The following KLHDC10 variants were observed in gnomAD, a reference collection of about 807,000 sequenced individuals.
KLHDC10 encodes kelch domain-containing protein 10.
A neutral mutation model predicts 56.1 loss-of-function variants in KLHDC10; 24 were observed. The observed-to-expected ratio is 0.43, with a 90% CI of 0.31 to 0.60. KLHDC10 has a LOEUF of 0.60. Ranked by LOEUF, KLHDC10 falls within the 20% of genes least tolerant of loss-of-function variation. The pLI is 0.11. For synonymous variants in KLHDC10, 188 were observed against 207.1 expected, an observed-to-expected ratio of 0.91 and a Z score of 0.79; for missense variants, 349 against 567.0, an observed-to-expected ratio of 0.62 and a Z score of 3.91.
chr7:130,083,195 C>T (rs1427589028), intron 1 of KLHDC10, among the ~76,000 whole-genome samples: 1 of 152,140 alleles, frequency 6.6e-6, no homozygotes, highest in Non-Finnish European at 1.5e-5. Context: ...TCCTGTGCTC[C>T]TTATCCTGAC....
At chr7:130,115,714 C>CAAAAAAA (rs11451164) in intron 2 of KLHDC10, among the ~76,000 whole-genome samples, 1 of 100,274 alleles carries the variant, frequency 1.0e-5, no homozygotes. Flanking sequence ...GACTTGGTCT[C>CAAAAAAA]AAAAAAAAAA....
chr7:130,124,679 T>G, intron 6 of KLHDC10, 144 bp downstream of exon 6: 1 of 554,588 alleles, frequency 1.8e-6, no homozygotes, highest in Non-Finnish European at 3.3e-6. Flanking sequence ...TTGGATGCAC[T>G]TTATAAGGTC....
At chr7:130,083,706 CGT>C (rs1795640878) in intron 1 of KLHDC10, among the ~76,000 whole-genome samples, 1 of 152,060 alleles carries the variant, frequency 6.6e-6, no homozygotes, top group South Asian at 2.1e-4. Context: ...GCTGAGATTG[CGT>C]CACTGCACTC....
At chr7:130,089,591 T>C (rs535902829) in intron 1 of KLHDC10, among the ~76,000 whole-genome samples, 2 of 152,362 alleles carry the variant, frequency 1.3e-5, no homozygotes, top group South Asian at 2.1e-4. Context: ...GTTAGCTCAA[T>C]GTATGCCATT....
intron 2 of KLHDC10, 99 bp downstream of exon 2, chr7:130,097,106 A>G: frequency 2.7e-6 from 2 of 754,182 alleles, no homozygotes; most frequent in Admixed American, 5.2e-5. Context: ...AAAATCATCT[A>G]AACAGCTAAT....
rs1796240672 is a variant in KLHDC10 at position 130,120,987 on chromosome 7, A to G, written c.630+84A>G. ...TGTTAGAATATTTGTAATTGTTACC[A>G]TTTTATTTTAATGGAGAAGAGTTCT... On this transcript the variant is annotated intron_variant, in intron 4 of 9. Transcript: ENST00000335420. This position sits in a 1 kb window ranked among gnomAD's most constrained non-coding sequence, Gnocchi z 5.1. The G allele has an allele frequency of 2.3e-6, 3 of 1,316,358 alleles. No homozygotes were observed. Among genetic ancestry groups the G allele is most frequent in the Non-Finnish European group, 3.1e-6 (3 of 960,332 alleles). The allele number at this position is 1,316,358 out of a possible 1,614,324, so 81.5% of individuals were successfully genotyped here.
At chr7:130,077,360 A>AAAAAC (rs1795521437) in intron 1 of KLHDC10, among the ~76,000 whole-genome samples, 1 of 146,946 alleles carries the variant, frequency 6.8e-6, no homozygotes, top group African/African-American at 2.5e-5. Context: ...TCTCAAAAAA[A>AAAAAC]AAAAAAAAAA....
intron 2 of KLHDC10, among the ~76,000 whole-genome samples, chr7:130,103,434 A>AAG (rs1795963043): frequency 6.6e-6 from 1 of 151,884 alleles, no homozygotes; most frequent in Admixed American, 6.6e-5. Flanking sequence ...AAAAAAAAAA[A>AAG]AATCTGAGTT....
At chr7:130,085,086 C>G (rs900757587) in intron 1 of KLHDC10, among the ~76,000 whole-genome samples, 13 of 152,034 alleles carry the variant, frequency 8.6e-5, no homozygotes, top group African/African-American at 3.1e-4. Flanking sequence ...TGGCTCATGC[C>G]TGTAATCCCA....
chr7:130,128,439 T>A (rs1458584676), intron 8 of KLHDC10, among the ~76,000 whole-genome samples: 1 of 152,214 alleles, frequency 6.6e-6, no homozygotes, highest in African/African-American at 2.4e-5. Flanking sequence ...TAATTAGTTA[T>A]AACTAACTGA....
intron 1 of KLHDC10, among the ~76,000 whole-genome samples, chr7:130,085,833 CAAAA>C (rs55805509): frequency 4.6e-5 from 4 of 86,264 alleles, no homozygotes; most frequent in Admixed American, 1.3e-4. Context: ...GACTCTTTCT[CAAAA>C]AAAAAAAAAA....
At chr7:130,082,738 C>T (rs1430147813) in intron 1 of KLHDC10, among the ~76,000 whole-genome samples, 4 of 152,200 alleles carry the variant, frequency 2.6e-5, no homozygotes, top group East Asian at 1.9e-4. Flanking sequence ...CTGCCTCCAT[C>T]GTTCTACTCA....
chr7:130,107,644 G>C (rs919987263), intron 2 of KLHDC10, among the ~76,000 whole-genome samples: 1 of 151,946 alleles, frequency 6.6e-6, no homozygotes, highest in African/African-American at 2.4e-5. Context: ...AAGAATTCAA[G>C]ACCAGCCTGG....
intron 2 of KLHDC10, among the ~76,000 whole-genome samples, chr7:130,103,210 G>T (rs1795958476): frequency 6.6e-6 from 1 of 152,116 alleles, no homozygotes; most frequent in Non-Finnish European, 1.5e-5. Flanking sequence ...TGAACCACGA[G>T]GCCAGGATTT....
At chr7:130,107,392 T>C (rs1171389249) in intron 2 of KLHDC10, among the ~76,000 whole-genome samples, 2 of 152,150 alleles carry the variant, frequency 1.3e-5, no homozygotes, top group Non-Finnish European at 2.9e-5. Context: ...TTCAGAAAAT[T>C]GGCTGGACAA....
At chr7:130,119,379 G>GCA (rs1796215772) in intron 3 of KLHDC10, among the ~76,000 whole-genome samples, 1 of 151,760 alleles carries the variant, frequency 6.6e-6, no homozygotes, top group Non-Finnish European at 1.5e-5. Flanking sequence ...AGGCATGGTG[G>GCA]CACACACCTG....
Position 130,130,458 on chromosome 7 carries a change from C to T in KLHDC10, c.1120-79C>T, listed in dbSNP as rs1420769159. ...TTTCATTTCATTTTGATTCCATCTA[C>T]TATGCTTTTTCCCCACTGAGTCTTC... On this transcript the variant is annotated intron_variant, in intron 9 of 9. Transcript: ENST00000335420. This position sits in a 1 kb window ranked among gnomAD's most constrained non-coding sequence, Gnocchi z 4.2. 2.7e-6 allele frequency: 3 copies of T among 1,096,794 alleles called. No homozygotes were observed. The highest frequency in any genetic ancestry group is 4.2e-6 in the Non-Finnish European group (3 of 716,072). The allele number at this position is 1,096,794 out of a possible 1,614,324, so 67.9% of individuals were successfully genotyped here.
At chr7:130,115,758 G>A (rs1796159201) in intron 2 of KLHDC10, among the ~76,000 whole-genome samples, 1 of 150,770 alleles carries the variant, frequency 6.6e-6, no homozygotes, top group Non-Finnish European at 1.5e-5. Flanking sequence ...TAGACTTCAG[G>A]ACACTTTCAA....
At chr7:130,117,213 C>T (rs889551969) in intron 3 of KLHDC10, among the ~76,000 whole-genome samples, 2 of 152,180 alleles carry the variant, frequency 1.3e-5, no homozygotes, top group Non-Finnish European at 1.5e-5. Flanking sequence ...GAGCCTTCAG[C>T]GAGTTGTAAT....
Sources: allele counts gnomAD v4.1 joint callset (sites outside exome capture counted in the v4.1 genomes callset), GRCh38; gene constraint gnomAD v4.1.1; non-coding constraint Gnocchi (gnomAD v3.1); transcripts MANE v1.5; gene names NCBI Gene and HGNC (gene_info 2026-07-23, HGNC 2026-07-21).